The following CACNA2D4 variants were observed in gnomAD, a reference collection of about 807,000 sequenced individuals.
The protein encoded by CACNA2D4 is calcium voltage-gated channel auxiliary subunit alpha2delta 4, also known as voltage-dependent calcium channel subunit alpha-2/delta-4.
Under a neutral mutation model 163.8 loss-of-function variants are expected in CACNA2D4, and 157 were observed. The observed-to-expected ratio is 0.96, with a 90% confidence interval of 0.84 to 1.09. CACNA2D4 has a LOEUF of 1.09. CACNA2D4 is among the 50% of genes least tolerant of loss of function. CACNA2D4 has a pLI of 0.00. For missense variants in CACNA2D4, 1,410 were observed against 1,479.9 expected (o/e 0.95, Z 0.78); for synonymous variants, 598 against 586.9 (o/e 1.02, Z -0.27).
Position 1,834,620 on chromosome 12 carries a change from C to T in CACNA2D4, c.2551+6119G>A, listed in dbSNP as rs1198395730. 6.2e-7 allele frequency: 1 copy of T among 1,600,156 alleles called. No individual in the cohort carries two copies. Among genetic ancestry groups the T allele is most frequent in the Non-Finnish European group, 8.5e-7 (1 of 1,179,914 alleles). On this transcript the variant is annotated intron_variant, in intron 26 of 37. Transcript: ENST00000382722. This position sits in a 1 kb window ranked among gnomAD's most constrained non-coding sequence, Gnocchi z 7.6. ...TGCCTATGGCTGCATCTACGCCTCCCTCATGGCCAAGTACCACCGGGAGCT... is the reference window on the plus strand; with the variant it reads ...TGCCTATGGCTGCATCTACGCCTCCTTCATGGCCAAGTACCACCGGGAGCT...
intron 26 of CACNA2D4, among the ~76,000 whole-genome samples, chr12:1,817,862 G>C (rs1360504322): frequency 6.6e-6 from 1 of 152,018 alleles, no homozygotes; most frequent in South Asian, 2.1e-4. Flanking sequence ...CGCCTGCCTT[G>C]GCCTCCCAAA....
intron 26 of CACNA2D4, among the ~76,000 whole-genome samples, chr12:1,817,604 C>T (rs1220762330): frequency 1.4e-4 from 21 of 152,170 alleles, no homozygotes; most frequent in Non-Finnish European, 2.9e-5. Context: ...CTGCCTCAGC[C>T]TGCCAAGTGC....
At position 1,901,847 on chromosome 12, in the gene CACNA2D4, A is replaced by G. The variant is rs191361519; in HGVS notation, c.781+5593T>C. Among the ~76,000 whole-genome samples the G allele has an allele frequency of 3.5e-3, 538 of 152,184 alleles. 8 individuals are homozygous for G. Among genetic ancestry groups the G allele is most frequent in the Admixed American group, 0.026 (403 of 15,278 alleles). On this transcript the variant is annotated intron_variant, in intron 6 of 37. Coordinates refer to ENST00000382722, the MANE Select transcript of CACNA2D4 (RefSeq NM_172364.5). ...AGAAGGAAATACTTCCAAACTCAGT[A>G]CACAAGGCCAGCATTATCCTGATAC... is the stretch of plus-strand genomic sequence containing the variant.
At chr12:1,810,141 C>T in intron 29 of CACNA2D4, 137 bp downstream of exon 29, 1 of 686,114 alleles carries the variant, frequency 1.5e-6, no homozygotes, top group Admixed American at 2.3e-5. Flanking sequence ...CCATGTTCTT[C>T]AGACCTTTCA....
At chr12:1,863,271 A>G (rs980361529) in intron 18 of CACNA2D4, among the ~76,000 whole-genome samples, 1 of 152,214 alleles carries the variant, frequency 6.6e-6, no homozygotes, top group African/African-American at 2.4e-5. Context: ...TTCTCTATTC[A>G]GGTCATTGAC....
At chr12:1,842,669 G>C (rs1384492367) in intron 25 of CACNA2D4, among the ~76,000 whole-genome samples, 2 of 127,382 alleles carry the variant, frequency 1.6e-5, no homozygotes, top group Non-Finnish European at 3.1e-5. Context: ...AGCAGGCTCA[G>C]TCCTGGTGAA....
intron 29 of CACNA2D4, among the ~76,000 whole-genome samples, chr12:1,808,775 T>C (rs1259693987): frequency 6.6e-6 from 1 of 152,176 alleles, no homozygotes; most frequent in Non-Finnish European, 1.5e-5. Flanking sequence ...TGAGGGGGCA[T>C]CAGTGATCCC....
intron 26 of CACNA2D4, among the ~76,000 whole-genome samples, chr12:1,840,221 C>T (rs73047908): frequency 0.01 from 1,549 of 152,120 alleles, 34 homozygotes; most frequent in South Asian, 0.062. Context: ...TGTAAATACT[C>T]GGTAAATATT....
chr12:1,801,133 C>T lies in CACNA2D4; in HGVS notation c.2793-15G>A, dbSNP rs147575839. The T allele has an allele frequency of 0.026, 42,681 of 1,612,218 alleles. 742 individuals are homozygous for T. Among genetic ancestry groups the T allele is most frequent in the Middle Eastern group, 0.036 (218 of 6,052 alleles). On this transcript the variant is annotated splice_polypyrimidine_tract_variant and intron_variant, in intron 30 of 37. Transcript: ENST00000382722. ...ACATAGTCACTCTGAAAATCAGAAG[C>T]GGGCTGTGATGAGTCCAAAGCCACC... is the stretch of plus-strand genomic sequence containing the variant.
At position 1,885,992 on chromosome 12, in the gene CACNA2D4, G is replaced by C; in HGVS notation, c.1041C>G (p.Leu347=). The change falls in exon 9 of 38, where the codon CTC becomes CTG. Residue 347 remains leucine, a synonymous_variant. Transcript: ENST00000382722. ...CTCGATTGTCTCGGTCCGCCTGGAC[G>C]AGGATCCCTTTAAAACAAGGCTCGA... ...HYIEPCFKGI[L]VQADRDNREH... 6.2e-7 allele frequency: 1 copy of C among 1,613,570 alleles called. No individual in the cohort carries two copies. The highest frequency in any genetic ancestry group is 1.1e-5 in the South Asian group (1 of 91,004).
chr12:1,856,375 A>G, intron 20 of CACNA2D4, 146 bp from the exon 21 acceptor site: 1 of 831,752 alleles, frequency 1.2e-6, no homozygotes. Flanking sequence ...GTAGGAGAAC[A>G]TGGCTAAGTC....
At chr12:1,848,026 C>G (rs1001474887) in intron 23 of CACNA2D4, among the ~76,000 whole-genome samples, 2 of 150,880 alleles carry the variant, frequency 1.3e-5, no homozygotes, top group Non-Finnish European at 2.9e-5. Flanking sequence ...ATTTGTCTGT[C>G]TGTCTCTCTC....
At chr12:1,813,874 T>C (rs12578700) in intron 26 of CACNA2D4, among the ~76,000 whole-genome samples, 1 of 152,070 alleles carries the variant, frequency 6.6e-6, no homozygotes, top group Admixed American at 6.5e-5. Flanking sequence ...TGAGGTGTGC[T>C]CAGGGCCTAG....
intron 24 of CACNA2D4, among the ~76,000 whole-genome samples, chr12:1,845,021 C>A (rs1261322012): frequency 1.3e-5 from 2 of 150,854 alleles, no homozygotes. Context: ...TCCCTGAACA[C>A]ACGGCAGCCC....
At position 1,793,312 on chromosome 12, in the gene CACNA2D4, C is replaced by T; in HGVS notation, c.*343G>A. 1 of 336,820 alleles carries T rather than the reference C, an allele frequency of 3.0e-6. No individual in the cohort carries two copies. Among genetic ancestry groups the T allele is most frequent in the Non-Finnish European group, 5.6e-6 (1 of 177,030 alleles). The allele number at this position is 336,820 out of a possible 1,614,324, so 20.9% of individuals were successfully genotyped here. On this transcript the variant is annotated 3_prime_UTR_variant, in exon 38 of 38. Coordinates refer to ENST00000382722, the MANE Select transcript of CACNA2D4 (RefSeq NM_172364.5). ...TGACCCTTTCTTGGCTGGGTCTGGACTCTGGAGTACAGGAAGAACTAAATT... is the reference window on the plus strand; with the variant it reads ...TGACCCTTTCTTGGCTGGGTCTGGATTCTGGAGTACAGGAAGAACTAAATT...
chr12:1,816,435 C>A (rs896854860), intron 26 of CACNA2D4, among the ~76,000 whole-genome samples: 1 of 151,796 alleles, frequency 6.6e-6, no homozygotes, highest in South Asian at 2.1e-4. Context: ...ATCTCAGACC[C>A]CTTCCTGCCC....
In CACNA2D4 at chr12:1,844,469, C is replaced by T. The variant is rs1555181044; in HGVS notation, c.2403G>A (p.Trp801Ter). Residue 801 changes from tryptophan (W) to a stop codon, truncating the protein, a stop_gained, in exon 25 of 38, where the codon TGG (tryptophan) becomes TGA (stop). Coordinates refer to ENST00000382722, the MANE Select transcript of CACNA2D4 (RefSeq NM_172364.5). LOFTEE classifies it high-confidence loss of function. The surrounding 1 kb of genome is among the most constrained non-coding windows in gnomAD (Gnocchi z 4.2). Reference sequence around the variant, plus strand: ...CAGGATGCTCTGAGGCCTGGCGGTACCACAGCGGGAAGCGGTCCAGGGTGA... The same window carrying T: ...CAGGATGCTCTGAGGCCTGGCGGTATCACAGCGGGAAGCGGTCCAGGGTGA... The part of the protein sequence containing the change: ...SVFTLDRFPL[W>*]YRQASEHPAG... 6.2e-7 allele frequency: 1 copy of T among 1,613,542 alleles called. No homozygotes were observed. The highest frequency in any genetic ancestry group is 8.5e-7 in the Non-Finnish European group (1 of 1,179,778).
At chr12:1,892,442 T>C (rs764695491) in intron 6 of CACNA2D4, among the ~76,000 whole-genome samples, 1 of 152,174 alleles carries the variant, frequency 6.6e-6, no homozygotes. Context: ...GGACAATATC[T>C]ACCATGATGA....
intron 29 of CACNA2D4, among the ~76,000 whole-genome samples, chr12:1,808,475 C>T (rs1055053424): frequency 6.6e-6 from 1 of 152,240 alleles, no homozygotes; most frequent in Non-Finnish European, 1.5e-5. Flanking sequence ...GCTCACAGAT[C>T]GCCCATGGCT....
Sources: allele counts gnomAD v4.1 joint callset (sites outside exome capture counted in the v4.1 genomes callset), GRCh38; gene constraint gnomAD v4.1.1; non-coding constraint Gnocchi (gnomAD v3.1); transcripts MANE v1.5; gene names NCBI Gene and HGNC (gene_info 2026-07-23, HGNC 2026-07-21).